The following KDM4C variants were observed in gnomAD, a reference collection of about 807,000 sequenced individuals.
KDM4C encodes the protein lysine-specific demethylase 4C.
Under a neutral mutation model 129.3 loss-of-function variants are expected in KDM4C, and 81 were observed. That is an observed-to-expected ratio of 0.63 (90% CI 0.52 to 0.75). The LOEUF is 0.75. Among genes scored for constraint, KDM4C ranks in the 30% least tolerant of loss-of-function variants. The pLI is 0.00. For missense variants in KDM4C, 1,457 were observed against 1,304.0 expected (o/e 1.12, Z -1.81); for synonymous variants, 573 against 456.1 (o/e 1.26, Z -3.26).
At chr9:7,072,369 A>G (rs1480345107) in intron 17 of KDM4C, among the ~76,000 whole-genome samples, 1 of 152,186 alleles carries the variant, frequency 6.6e-6, no homozygotes, top group Admixed American at 6.5e-5. Flanking sequence ...AATGGAAGCA[A>G]CTCAGTGTTT....
intron 1 of KDM4C, chr9:6,734,920 T>C (rs145493746): frequency 4.5e-4 from 257 of 574,328 alleles, no homozygotes; most frequent in African/African-American, 4.1e-3. Context: ...GTGCTAAGTC[T>C]GTGGCTGTGC....
intron 16 of KDM4C, among the ~76,000 whole-genome samples, 154 bp downstream of exon 16, chr9:7,047,071 C>T (rs1829510169): frequency 6.6e-6 from 1 of 152,024 alleles, no homozygotes; most frequent in Admixed American, 6.6e-5. Flanking sequence ...TCAGAGACTT[C>T]TACTGTTTGC....
At chr9:6,975,301 A>G (rs1832734481) in intron 8 of KDM4C, among the ~76,000 whole-genome samples, 1 of 152,242 alleles carries the variant, frequency 6.6e-6, no homozygotes, top group South Asian at 2.1e-4. Flanking sequence ...AGCAAATATA[A>G]TGAGTCCCGG....
chr9:7,096,382 TA>T (rs1391577994), intron 17 of KDM4C, among the ~76,000 whole-genome samples: 1 of 152,214 alleles, frequency 6.6e-6, no homozygotes, highest in African/African-American at 2.4e-5. Flanking sequence ...TATTTTCTGC[TA>T]AGAGGGGTCT....
At chr9:6,860,353 G>A (rs936436782) in intron 5 of KDM4C, among the ~76,000 whole-genome samples, 1 of 152,080 alleles carries the variant, frequency 6.6e-6, no homozygotes, top group Non-Finnish European at 1.5e-5. Context: ...CTTGACGGAG[G>A]GTTTTGTTTC....
intron 13 of KDM4C, 80 bp downstream of exon 13, chr9:7,011,959 T>C: frequency 8.2e-7 from 1 of 1,223,344 alleles, no homozygotes; most frequent in Non-Finnish European, 1.2e-6. Context: ...CTGTAAATTG[T>C]TGTGGGCTTC....
intron 4 of KDM4C, among the ~76,000 whole-genome samples, chr9:6,842,021 T>G (rs1837022813): frequency 6.6e-6 from 1 of 152,252 alleles, no homozygotes; most frequent in Non-Finnish European, 1.5e-5. Context: ...AACAGAGAGA[T>G]AAAACATGCT....
At chr9:6,767,441 C>T (rs1045973496) in intron 1 of KDM4C, among the ~76,000 whole-genome samples, 1 of 148,866 alleles carries the variant, frequency 6.7e-6, no homozygotes, top group Non-Finnish European at 1.5e-5. Flanking sequence ...ATGCACGGCC[C>T]CCTTTTTTTT....
In KDM4C at chr9:7,075,525, C is replaced by T. The variant is rs935577954; in HGVS notation, c.2424+26325C>T. On this transcript the variant is annotated intron_variant, in intron 17 of 21. Coordinates refer to ENST00000381309, the MANE Select transcript of KDM4C (RefSeq NM_015061.6). ...GTTGTAAAAAAGAGTCTGGCTTCCT[C>T]GGTTTCTCTCTCATACCCTCTTTCA... Among the ~76,000 whole-genome samples the T allele has an allele frequency of 7.2e-5, 11 of 152,216 alleles. No individual in the cohort carries two copies. In the East Asian group the frequency reaches 1.5e-3, roughly 21 times the overall value.
At chr9:6,875,705 G>T (rs990351704) in intron 5 of KDM4C, among the ~76,000 whole-genome samples, 13 of 152,106 alleles carry the variant, frequency 8.5e-5, no homozygotes, top group Admixed American at 3.9e-4. Context: ...ACTTGATGTT[G>T]CTGAGATCCA....
chr9:7,023,862 A>G (rs540912453), intron 15 of KDM4C, among the ~76,000 whole-genome samples: 88 of 152,242 alleles, frequency 5.8e-4, no homozygotes, highest in African/African-American at 2.1e-3. Context: ...AAATGTTTCA[A>G]TTTCCTTCTT....
intron 15 of KDM4C, among the ~76,000 whole-genome samples, chr9:7,039,245 G>A (rs1309032406): frequency 6.6e-6 from 1 of 151,904 alleles, no homozygotes; most frequent in Non-Finnish European, 1.5e-5. Flanking sequence ...GTTGGATCTG[G>A]ACATTTTGAA....
At chr9:6,855,641 AC>A (rs1484483474) in intron 5 of KDM4C, among the ~76,000 whole-genome samples, 1 of 151,286 alleles carries the variant, frequency 6.6e-6, no homozygotes, top group East Asian at 1.9e-4. Flanking sequence ...TATTCACCTT[AC>A]CCCTATCTCT....
intron 18 of KDM4C, chr9:7,105,279 G>T (rs148378650): frequency 2.3e-5 from 8 of 342,032 alleles, no homozygotes; most frequent in African/African-American, 1.5e-4. Context: ...AGTCAGAGTA[G>T]TTGGTGTTCA....
chr9:6,733,897 G>A (rs2918187), intron 1 of KDM4C, among the ~76,000 whole-genome samples: 34,746 of 152,006 alleles, frequency 0.23, 4,237 homozygotes, highest in African/African-American at 0.27. Flanking sequence ...CTGTCATGGC[G>A]CTGCTGAGAG....
At chr9:7,110,380 C>T (rs903819392) in intron 18 of KDM4C, among the ~76,000 whole-genome samples, 2 of 152,058 alleles carry the variant, frequency 1.3e-5, no homozygotes, top group African/African-American at 2.4e-5. Flanking sequence ...GTTCAGGGTT[C>T]ATGTTGATAT....
intron 8 of KDM4C, among the ~76,000 whole-genome samples, chr9:6,950,981 A>G (rs1366586018): frequency 1.3e-5 from 2 of 152,180 alleles, no homozygotes; most frequent in African/African-American, 4.8e-5. Flanking sequence ...ATTCTTTGCC[A>G]TCTCTGAAGG....
intron 1 of KDM4C, among the ~76,000 whole-genome samples, chr9:6,777,916 CT>C (rs35889810): frequency 1.7e-3 from 237 of 137,518 alleles, no homozygotes; most frequent in East Asian, 2.1e-3. Flanking sequence ...GTTTTCAGGC[CT>C]TTTTTTTTTT....
chr9:6,811,950 G>C (rs1038779086), intron 3 of KDM4C, among the ~76,000 whole-genome samples: 1 of 152,090 alleles, frequency 6.6e-6, no homozygotes, highest in Admixed American at 6.6e-5. Flanking sequence ...CAGTCCATTA[G>C]GAAGGACTCT....
Sources: allele counts gnomAD v4.1 joint callset (sites outside exome capture counted in the v4.1 genomes callset), GRCh38; gene constraint gnomAD v4.1.1; transcripts MANE v1.5; gene names NCBI Gene and HGNC (gene_info 2026-07-23, HGNC 2026-07-21).